Variants in SUZ12 observed in about 807,000 individuals in gnomAD.
The protein encoded by SUZ12 is SUZ12 polycomb repressive complex 2 subunit.
In SUZ12, 17 loss-of-function variants were observed where a neutral mutation model predicts 87.3. That is an observed-to-expected ratio of 0.19 (90% CI 0.13 to 0.29). The LOEUF (loss-of-function observed/expected upper bound fraction) is 0.29, where lower values mean the gene tolerates loss of function less well. SUZ12 is among the 10% of genes least tolerant of loss of function. SUZ12 has a pLI of 1.00. For missense variants in SUZ12, 526 were observed against 912.2 expected, an observed-to-expected ratio of 0.58 and a Z score of 5.45; for synonymous variants, 253 against 312.4, an observed-to-expected ratio of 0.81 and a Z score of 2.01.
intron 9 of SUZ12, 114 bp from the exon 10 acceptor site, chr17:31,988,206 A>T: frequency 9.5e-7 from 1 of 1,052,556 alleles, no homozygotes; most frequent in East Asian, 2.8e-5. Context: ...GATTTTCAAG[A>T]CAAATCTATT....
chr17:31,962,572 C>T (rs1262547221), intron 4 of SUZ12, among the ~76,000 whole-genome samples: 1 of 152,208 alleles, frequency 6.6e-6, no homozygotes, highest in Non-Finnish European at 1.5e-5. Flanking sequence ...GTCTGGGTGA[C>T]ACAACGAGAC....
intron 15 of SUZ12, among the ~76,000 whole-genome samples, chr17:31,998,066 T>C (rs903710481): frequency 2.0e-5 from 3 of 151,674 alleles, no homozygotes; most frequent in Non-Finnish European, 2.9e-5. Flanking sequence ...AGTGAAACCT[T>C]GTCTCTACTA....
At chr17:31,987,664 C>T (rs1311288260) in intron 9 of SUZ12, among the ~76,000 whole-genome samples, 1 of 152,146 alleles carries the variant, frequency 6.6e-6, no homozygotes, top group African/African-American at 2.4e-5. Context: ...GGCGTGGTGG[C>T]TCATGCCTGT....
rs553942610 is a variant in SUZ12, at chr17:31,973,646, GTTA to G, written c.591+419_591+421del. On this transcript the variant is annotated intron_variant, in intron 6 of 15. Transcript: ENST00000322652. ...CAGGCAAAGAAATTTTGTTGTCAGC[GTTA>G]TTAGCCATTCACTTATTAGTACATT... Among the ~76,000 whole-genome samples the G allele has an allele frequency of 5.2e-3, 799 of 152,242 alleles. 6 individuals are homozygous for G. The highest frequency in any genetic ancestry group is 0.018 in the African/African-American group (767 of 41,554).
intron 4 of SUZ12, among the ~76,000 whole-genome samples, chr17:31,957,730 G>A (rs1447966598): frequency 6.7e-6 from 1 of 149,096 alleles, no homozygotes; most frequent in African/African-American, 2.6e-5. Context: ...ATTTTTAGCA[G>A]AGATGGAGTT....
Position 31,999,009 on chromosome 17 carries a change from T to C in SUZ12, c.*6T>C. 3 of 1,525,598 alleles carry C rather than the reference T, an allele frequency of 2.0e-6. No homozygotes were observed. The highest frequency in any genetic ancestry group is 2.6e-6 in the Non-Finnish European group (3 of 1,142,592). 94.5% of individuals were successfully genotyped at this position (1,525,598 alleles called of 1,614,324 possible). On this transcript the variant is annotated 3_prime_UTR_variant, in exon 16 of 16. Coordinates refer to ENST00000322652, the MANE Select transcript of SUZ12 (RefSeq NM_015355.4). ...GCAAAAAACAAAAACTCTGAAAAGC[T>C]CTAACCCCATGTTATGGACAAACAC...
At chr17:31,980,795 A>G (rs1369695729) in intron 8 of SUZ12, among the ~76,000 whole-genome samples, 2 of 152,074 alleles carry the variant, frequency 1.3e-5, no homozygotes, top group African/African-American at 4.8e-5. Flanking sequence ...GATTTCTTCA[A>G]GGAGTCCTGA....
chr17:31,939,039 T>C (rs1280758028), intron 1 of SUZ12, among the ~76,000 whole-genome samples: 1 of 152,220 alleles, frequency 6.6e-6, no homozygotes, highest in South Asian at 2.1e-4. Flanking sequence ...GATATAATAG[T>C]ATATGTATTT....
intron 4 of SUZ12, among the ~76,000 whole-genome samples, chr17:31,948,397 T>G (rs1410824695): frequency 6.6e-6 from 1 of 152,204 alleles, no homozygotes; most frequent in African/African-American, 2.4e-5. Flanking sequence ...TGGGTGGTGT[T>G]TGTTCATTCA....
intron 8 of SUZ12, 118 bp from the exon 9 acceptor site, chr17:31,982,881 G>A: frequency 7.5e-7 from 1 of 1,341,884 alleles, no homozygotes; most frequent in South Asian, 1.6e-5. Context: ...ATCTTGTTGG[G>A]TATGTAAGCT....
chr17:31,988,721 T>A (rs1909543946), intron 10 of SUZ12, among the ~76,000 whole-genome samples: 1 of 151,236 alleles, frequency 6.6e-6, no homozygotes, highest in African/African-American at 2.4e-5. Flanking sequence ...GCCTCCCGAG[T>A]AGCTGTGACT....
rs546747976 is a variant in SUZ12 at position 31,964,314 on chromosome 17, C to T, written c.456-1833C>T. ...TGCTGGGATTACAGTTGTGAGCCAC[C>T]GCACCCAGCCCCTAGCATACTTTCT... On this transcript the variant is annotated intron_variant, in intron 4 of 15. Coordinates refer to ENST00000322652, the MANE Select transcript of SUZ12 (RefSeq NM_015355.4). Among the ~76,000 whole-genome samples, 5 of 150,726 alleles carry T rather than the reference C, an allele frequency of 3.3e-5. 1 individual carries two copies. In the East Asian group the frequency reaches 7.8e-4, roughly 23 times the overall value.
At chr17:31,947,750 C>T in intron 4 of SUZ12, 65 bp downstream of exon 4, 1 of 1,485,414 alleles carries the variant, frequency 6.7e-7, no homozygotes, top group Non-Finnish European at 9.0e-7. Flanking sequence ...TTACAGTGAT[C>T]ATTTTCCTAG....
At chr17:31,967,970 T>C (rs1483069624) in intron 5 of SUZ12, among the ~76,000 whole-genome samples, 1 of 152,140 alleles carries the variant, frequency 6.6e-6, no homozygotes, top group Non-Finnish European at 1.5e-5. Context: ...CTGGGCAACA[T>C]AGGGAGAACC....
At chr17:31,981,727 C>CT (rs1395773392) in intron 8 of SUZ12, among the ~76,000 whole-genome samples, 1 of 152,176 alleles carries the variant, frequency 6.6e-6, no homozygotes, top group African/African-American at 2.4e-5. Context: ...TTTTAAGAGA[C>CT]TTTAGAGACA....
intron 8 of SUZ12, among the ~76,000 whole-genome samples, chr17:31,977,377 T>C (rs1908821062): frequency 1.3e-5 from 2 of 151,906 alleles, no homozygotes; most frequent in Non-Finnish European, 2.9e-5. Flanking sequence ...CCACCTGGGT[T>C]TGAGCAAGTC....
chr17:31,999,069 A>T lies in SUZ12; in HGVS notation c.*66A>T, dbSNP rs968611418. The T allele has an allele frequency of 2.2e-6, 3 of 1,351,070 alleles. No individual in the cohort carries two copies. The highest frequency in any genetic ancestry group is 3.0e-6 in the Non-Finnish European group (3 of 1,014,738). The allele number at this position is 1,351,070 out of a possible 1,614,324, so 83.7% of individuals were successfully genotyped here. A position where few individuals can be genotyped will look rare whatever the true frequency, so the allele number is the denominator to read the frequency against. On this transcript the variant is annotated 3_prime_UTR_variant, in exon 16 of 16. Coordinates refer to ENST00000322652, the MANE Select transcript of SUZ12 (RefSeq NM_015355.4). ...ATTTTAGGGAATTCATCCTCTAAGA[A>T]TTATGTTTTTGTTTTTAATCATATG...
At chr17:31,957,559 C>T (rs1331255386) in intron 4 of SUZ12, among the ~76,000 whole-genome samples, 2 of 151,734 alleles carry the variant, frequency 1.3e-5, no homozygotes, top group African/African-American at 4.8e-5. Flanking sequence ...TTACAGGTGC[C>T]TGCCACCACG....
chr17:31,989,226 A>G (rs1351058344), intron 10 of SUZ12, among the ~76,000 whole-genome samples: 2 of 151,926 alleles, frequency 1.3e-5, no homozygotes, highest in Admixed American at 6.6e-5. Flanking sequence ...GCTGGCCTCT[A>G]TGTGATTAGC....
Sources: allele counts gnomAD v4.1 joint callset (sites outside exome capture counted in the v4.1 genomes callset), GRCh38; gene constraint gnomAD v4.1.1; transcripts MANE v1.5; gene names NCBI Gene and HGNC (gene_info 2026-07-23, HGNC 2026-07-21).